The following PCDHA3 variants were observed in gnomAD, a reference collection of about 807,000 sequenced individuals.
PCDHA3 encodes the protein protocadherin alpha 3, also known as protocadherin alpha-3.
PCDHA3 carries 41 observed loss-of-function variants against 62.2 expected under a neutral mutation model. The observed-to-expected ratio is 0.66, with a 90% confidence interval of 0.51 to 0.86. PCDHA3 has a LOEUF of 0.86. Among genes scored for constraint, PCDHA3 ranks in the 40% least tolerant of loss-of-function variants. PCDHA3 has a pLI of 0.00. For missense variants in PCDHA3, 1,304 were observed against 1,241.2 expected, an observed-to-expected ratio of 1.05 and a Z score of -0.76; for synonymous variants, 640 against 555.4, an observed-to-expected ratio of 1.15 and a Z score of -2.14.
At chr5:140,991,991 T>C (rs1420188681) in intron 3 of PCDHA3, among the ~76,000 whole-genome samples, 1 of 151,444 alleles carries the variant, frequency 6.6e-6, no homozygotes, top group Admixed American at 6.6e-5. Context: ...TACCACCCGG[T>C]CTTTCATGTT....
chr5:140,808,913 G>T (rs1396651990), intron 1 of PCDHA3: 7 of 1,613,442 alleles, frequency 4.3e-6, no homozygotes, highest in African/African-American at 4.0e-5. Flanking sequence ...CACTGGTGGC[G>T]CAGTGAGCGA....
intron 1 of PCDHA3, chr5:140,876,900 G>T: frequency 1.2e-6 from 2 of 1,614,114 alleles, no homozygotes; most frequent in East Asian, 2.2e-5. Context: ...ACATCTTCAC[G>T]GTGTCGGCAT....
chr5:140,803,303 C>T lies in PCDHA3; in HGVS notation c.2106C>T (p.Val702=), dbSNP rs1171737717. The stretch of plus-strand genomic sequence containing the variant: ...TGGATGTCAACGTGTACTTGATCGT[C>T]GCCATCTGCGCGGTGTCCAGTCTGT... ...ALVDVNVYLI[V]AICAVSSLLV... is the part of the protein sequence containing the mutation. The change falls in exon 1 of 4, where the codon GTC becomes GTT. Residue 702 remains valine, a synonymous_variant. Transcript: ENST00000522353. 2.5e-6 allele frequency: 4 copies of T among 1,614,108 alleles called. No homozygotes were observed. Among genetic ancestry groups the T allele is most frequent in the South Asian group, 1.1e-5 (1 of 91,090 alleles).
At chr5:140,990,512 CTT>C (rs1323641272) in intron 3 of PCDHA3, among the ~76,000 whole-genome samples, 1 of 152,202 alleles carries the variant, frequency 6.6e-6, no homozygotes, top group African/African-American at 2.4e-5. Context: ...AGTCTTCTCT[CTT>C]GTCTTTTTTG....
intron 1 of PCDHA3, chr5:140,823,320 G>A (rs2150124673): frequency 2.5e-6 from 4 of 1,612,172 alleles, no homozygotes; most frequent in South Asian, 1.1e-5. Context: ...AGAGCGGCAA[G>A]GTGTACGCGC....
intron 3 of PCDHA3, among the ~76,000 whole-genome samples, chr5:141,000,248 C>T (rs1027764843): frequency 2.6e-5 from 4 of 151,280 alleles, no homozygotes; most frequent in Non-Finnish European, 4.4e-5. Context: ...GTGGCTGACA[C>T]CTGTGATCCT....
chr5:140,857,428 G>T (rs782142394), intron 1 of PCDHA3: 3 of 1,598,342 alleles, frequency 1.9e-6, no homozygotes, highest in Non-Finnish European at 2.6e-6. Context: ...CCGAGTACAC[G>T]GTGTTCGTGA....
chr5:140,867,064 T>C (rs890190808), intron 1 of PCDHA3: 7 of 152,176 alleles, frequency 4.6e-5, no homozygotes, highest in Admixed American at 1.3e-4. Flanking sequence ...CTACTTTATA[T>C]ATTCACAAAA....
Position 140,849,847 on chromosome 5 carries a change from A to G in PCDHA3, c.2394+46256A>G, listed in dbSNP as rs2150453307. 2.4e-5 allele frequency: 39 copies of G among 1,598,408 alleles called. 5 individuals are homozygous for G. In the South Asian group the frequency reaches 2.8e-4, roughly 11 times the overall value. On this transcript the variant is annotated intron_variant, in intron 1 of 3. Transcript: ENST00000522353. ...GTGGAGGTGGCCGACGTGAACGACA[A>G]CGCACCAGCGTTCGCGCAGTCCGAG...
chr5:140,933,900 G>T (rs941556210), intron 1 of PCDHA3, among the ~76,000 whole-genome samples: 1 of 151,518 alleles, frequency 6.6e-6, no homozygotes, highest in South Asian at 2.1e-4. Flanking sequence ...GAATATTTTG[G>T]CATAAAGTTG....
At chr5:140,959,259 C>G (rs781794121) in intron 1 of PCDHA3, among the ~76,000 whole-genome samples, 1 of 152,040 alleles carries the variant, frequency 6.6e-6, no homozygotes, top group African/African-American at 2.4e-5. Context: ...TGACTGTAGT[C>G]CCAGCTACCC....
rs564306575 is a variant in PCDHA3, at chr5:140,927,833, A to G, written c.2395-51116A>G. On this transcript the variant is annotated intron_variant, in intron 1 of 3. Coordinates refer to ENST00000522353, the MANE Select transcript of PCDHA3 (RefSeq NM_018906.3). Reference sequence around the variant, plus strand: ...TTGGAGGCATACATTGAGGCGAGGGACGAAGGTGTCTTTGGTTTAGCTAGC... The same window carrying G: ...TTGGAGGCATACATTGAGGCGAGGGGCGAAGGTGTCTTTGGTTTAGCTAGC... 5.0e-6 allele frequency: 8 copies of G among 1,614,044 alleles called. No individual in the cohort carries two copies. Among genetic ancestry groups the G allele is most frequent in the African/African-American group, 4.0e-5 (3 of 74,914 alleles).
intron 1 of PCDHA3, among the ~76,000 whole-genome samples, chr5:140,890,076 C>G (rs2062479072): frequency 6.6e-6 from 1 of 152,150 alleles, no homozygotes. Flanking sequence ...CTTATGAGAA[C>G]TGATAATGCA....
intron 1 of PCDHA3, among the ~76,000 whole-genome samples, chr5:140,976,780 A>G (rs2096731008): frequency 6.6e-6 from 1 of 152,224 alleles, no homozygotes; most frequent in Non-Finnish European, 1.5e-5. Context: ...CTCTGACTAT[A>G]TAGCTACGCT....
chr5:140,801,621 A>G lies in PCDHA3; in HGVS notation c.424A>G (p.Ile142Val). 6.2e-7 allele frequency: 1 copy of G among 1,614,038 alleles called. No homozygotes were observed. Among genetic ancestry groups the G allele is most frequent in the Non-Finnish European group, 8.5e-7 (1 of 1,180,006 alleles). Residue 142 changes from isoleucine (I) to valine (V), a missense_variant, in exon 1 of 4, where the codon ATT becomes GTT. Coordinates refer to ENST00000522353, the MANE Select transcript of PCDHA3 (RefSeq NM_018906.3). ...VFPMAVKNLF[I>V]SESRQPGSRF... is the part of the protein sequence containing the mutation. Reference sequence around the variant, plus strand: ...TCCAATGGCTGTAAAGAATCTGTTTATTTCCGAATCCCGACAGCCTGGCTC... The same window carrying G: ...TCCAATGGCTGTAAAGAATCTGTTTGTTTCCGAATCCCGACAGCCTGGCTC...
At chr5:140,848,283 C>G in intron 1 of PCDHA3, 1 of 605,274 alleles carries the variant, frequency 1.7e-6, no homozygotes, top group Non-Finnish European at 2.9e-6. Context: ...TATGTACTTA[C>G]ACTTTGGGCC....
intron 1 of PCDHA3, chr5:140,808,731 G>T (rs1554124738): frequency 3.1e-6 from 5 of 1,612,164 alleles, no homozygotes; most frequent in Admixed American, 1.7e-5. Context: ...GCGGAGAGCG[G>T]CAAGGTGTAC....
intron 1 of PCDHA3, chr5:140,817,050 C>G (rs1227533910): frequency 6.6e-6 from 1 of 152,190 alleles, no homozygotes; most frequent in Non-Finnish European, 1.5e-5. Context: ...GAGTTTCTCT[C>G]TGTGTGCTGT....
chr5:140,870,975 G>A, intron 1 of PCDHA3: 1 of 1,613,610 alleles, frequency 6.2e-7, no homozygotes, highest in Non-Finnish European at 8.5e-7. Context: ...TCCGCGTGGG[G>A]CTGTACACGG....
Sources: allele counts gnomAD v4.1 joint callset (sites outside exome capture counted in the v4.1 genomes callset), GRCh38; gene constraint gnomAD v4.1.1; transcripts MANE v1.5; gene names NCBI Gene and HGNC (gene_info 2026-07-23, HGNC 2026-07-21).